Variants in CD72 observed in about 807,000 individuals in gnomAD.
The protein encoded by CD72 is B-cell differentiation antigen CD72.
A neutral mutation model predicts 50.7 loss-of-function variants in CD72; 28 were observed. The ratio of observed to expected loss-of-function variants is 0.55; its 90% CI spans 0.41 to 0.76. The LOEUF is 0.76. Among genes scored for constraint, CD72 ranks in the 30% least tolerant of loss-of-function variants. The pLI, the probability that CD72 is intolerant of heterozygous loss-of-function variation, is 0.00. For synonymous variants in CD72, 176 were observed against 171.2 expected (o/e 1.03, Z -0.22); for missense variants, 403 against 420.6 (o/e 0.96, Z 0.37).
At chr9:35,617,030 G>A (rs1823074975) in intron 3 of CD72, 146 bp downstream of exon 3, 37 of 1,467,122 alleles carry the variant, frequency 2.5e-5, no homozygotes, top group Non-Finnish European at 2.8e-5. Context: ...GGATGAAGGT[G>A]AATGTGGCAC....
rs538754966 is a variant in CD72, at chr9:35,618,346, A to G, written c.-43T>C. The G allele has an allele frequency of 1.2e-6, 2 of 1,613,180 alleles. No homozygotes were observed. Among genetic ancestry groups the G allele is most frequent in the East Asian group, 2.2e-5 (1 of 44,856 alleles). On this transcript the variant is annotated 5_prime_UTR_variant, in exon 1 of 9. Transcript: ENST00000259633. ...CCCCCACTCGTCTTCCCTGTCATCC[A>G]CTGTCCTCCCTTGCCCCTCTCGTCT...
chr9:35,632,095 T>C (rs1823251122), intron 1 of CD72, among the ~76,000 whole-genome samples: 1 of 152,164 alleles, frequency 6.6e-6, no homozygotes, highest in African/African-American at 2.4e-5. Context: ...GTAATTTATA[T>C]ATTTCTTGAA....
chr9:35,634,895 C>A (rs1823275373), intron 1 of CD72, among the ~76,000 whole-genome samples: 1 of 152,128 alleles, frequency 6.6e-6, no homozygotes, highest in Non-Finnish European at 1.5e-5. Context: ...TTCGTTGCTC[C>A]CCACTGGTTT....
At chr9:35,632,182 CT>C (rs376745957) in intron 1 of CD72, among the ~76,000 whole-genome samples, 122 of 144,882 alleles carry the variant, frequency 8.4e-4, no homozygotes, top group Middle Eastern at 3.6e-3. Context: ...ATTTTCTCCT[CT>C]TTTTTTTTTT....
At chr9:35,622,786 C>CA (rs898134466), upstream of CD72, among the ~76,000 whole-genome samples, 888 of 148,302 alleles carry the variant, frequency 6.0e-3, 6 homozygotes, top group African/African-American at 0.02. Context: ...GACTCTGTCT[C>CA]AAAAAAAATA....
At chr9:35,618,509 T>C (rs1657587860), upstream of CD72, 1 of 1,305,714 alleles carries the variant, frequency 7.7e-7, no homozygotes, top group Admixed American at 2.0e-5. Flanking sequence ...AAGGCATCCC[T>C]GGGCCAGGGC....
At chr9:35,613,459 T>C (rs1409613393) in intron 5 of CD72, among the ~76,000 whole-genome samples, 1 of 152,054 alleles carries the variant, frequency 6.6e-6, no homozygotes. Flanking sequence ...ACCTCAAAAT[T>C]TCTCTTCTCT....
intron 5 of CD72, 45 bp from the exon 6 acceptor site, chr9:35,613,038 A>G (rs780635757): frequency 3.2e-6 from 5 of 1,541,458 alleles, no homozygotes; most frequent in Non-Finnish European, 4.4e-6. Flanking sequence ...TTGGGATGAA[A>G]GTGACTACTC....
At chr9:35,612,618 C>A (rs1823003471) in intron 6 of CD72, among the ~76,000 whole-genome samples, 1 of 152,006 alleles carries the variant, frequency 6.6e-6, no homozygotes, top group Admixed American at 6.6e-5. Context: ...GTTAAGTTTC[C>A]ATTCTCATGC....
At chr9:35,612,688 G>A in intron 6 of CD72, 160 bp downstream of exon 6, 1 of 678,102 alleles carries the variant, frequency 1.5e-6, no homozygotes, top group Non-Finnish European at 2.5e-6. Context: ...TGCAGAGGTT[G>A]TTTCCAAGCT....
intron 5 of CD72, among the ~76,000 whole-genome samples, chr9:35,614,201 G>A (rs1047256952): frequency 4.6e-5 from 7 of 152,184 alleles, no homozygotes; most frequent in Admixed American, 2.6e-4. Context: ...TATATCCCAA[G>A]TGCCTGGGCA....
intron 1 of CD72, among the ~76,000 whole-genome samples, chr9:35,628,217 C>CT (rs2131779796): frequency 6.6e-6 from 1 of 152,292 alleles, no homozygotes; most frequent in South Asian, 2.1e-4. Context: ...ATCCTCCTGC[C>CT]TTGGCCTCCG....
At chr9:35,622,081 C>T (rs900836539), upstream of CD72, among the ~76,000 whole-genome samples, 1 of 152,228 alleles carries the variant, frequency 6.6e-6, no homozygotes, top group East Asian at 1.9e-4. Context: ...AGAGACCAGC[C>T]TTGCCACAGT....
intron 3 of CD72, 166 bp from the exon 4 acceptor site, chr9:35,616,855 T>A (rs908494200): frequency 2.0e-6 from 2 of 1,023,224 alleles, no homozygotes; most frequent in African/African-American, 3.2e-5. Flanking sequence ...GCGGGGTGTT[T>A]CGCAGGTAGG....
intron 3 of CD72, 143 bp downstream of exon 3, chr9:35,617,033 T>C: frequency 1.4e-6 from 2 of 1,468,382 alleles, no homozygotes; most frequent in Non-Finnish European, 1.8e-6. Flanking sequence ...TGAAGGTGAA[T>C]GTGGCACGGC....
At chr9:35,644,936 TC>T (rs1689121579) in intron 1 of CD72, among the ~76,000 whole-genome samples, 1 of 147,074 alleles carries the variant, frequency 6.8e-6, no homozygotes, top group Non-Finnish European at 1.5e-5. Context: ...GCGCGGTGGC[TC>T]ACGCCTGTAA....
chr9:35,625,353 C>A (rs1050219159), intron 1 of CD72, among the ~76,000 whole-genome samples: 2 of 152,200 alleles, frequency 1.3e-5, no homozygotes, highest in East Asian at 1.9e-4. Context: ...TAATCCAGAG[C>A]AAGACCCTAA....
chr9:35,634,480 G>A (rs1432484386), intron 1 of CD72, among the ~76,000 whole-genome samples: 1 of 152,162 alleles, frequency 6.6e-6, no homozygotes, highest in Non-Finnish European at 1.5e-5. Context: ...AGCCTCCCAA[G>A]TAGCTGGGAT....
At position 35,626,580 on chromosome 9, in the gene CD72, T is replaced by C. The variant is rs1335497957; in HGVS notation, n.409-8459A>G. Reference sequence around the variant, plus strand: ...AAACATTGCATGCTACAGAGAAATCTTTCGTGAAAAGAATCAATGTGGCAA... The same window carrying C: ...AAACATTGCATGCTACAGAGAAATCCTTCGTGAAAAGAATCAATGTGGCAA... On this transcript the variant is annotated intron_variant and non_coding_transcript_variant, in intron 1 of 3. Transcript: ENST00000465754. Among the ~76,000 whole-genome samples, 3 of 152,198 alleles carry C rather than the reference T, an allele frequency of 2.0e-5. No homozygotes were observed. The East Asian group carries it at 5.8e-4, about 29-fold the overall frequency.
Sources: allele counts gnomAD v4.1 joint callset (sites outside exome capture counted in the v4.1 genomes callset), GRCh38; gene constraint gnomAD v4.1.1; transcripts MANE v1.5; gene names NCBI Gene and HGNC (gene_info 2026-07-23, HGNC 2026-07-21).